POLR2C: variants seen among roughly 807,000 people sequenced by gnomAD.
The protein encoded by POLR2C is RNA polymerase II subunit C.
POLR2C carries 36 observed loss-of-function variants against 41.7 expected under a neutral mutation model. That is an observed-to-expected ratio of 0.86 (90% CI 0.66 to 1.14). The LOEUF (loss-of-function observed/expected upper bound fraction) is 1.14. Among genes scored for constraint, POLR2C ranks in the 50% most tolerant of loss-of-function variants. POLR2C has a pLI of 0.00. For missense variants in POLR2C, 260 were observed against 350.4 expected (o/e 0.74, Z 2.06); for synonymous variants, 133 against 137.8 (o/e 0.96, Z 0.25).
chr16:57,463,526 C>T (rs1267041813), intron 2 of POLR2C: 1 of 386,070 alleles, frequency 2.6e-6, no homozygotes, highest in Non-Finnish European at 5.2e-6. Flanking sequence ...GTTTTTCACC[C>T]CTAGCCCCAC....
rs2030606707 is a variant in POLR2C at position 57,462,858 on chromosome 16, C to T, written c.86+48C>T. 6 of 1,478,298 alleles carry T rather than the reference C, an allele frequency of 4.1e-6. No individual in the cohort carries two copies. The South Asian group carries it at 4.8e-5, about 12-fold the overall frequency. The allele number at this position is 1,478,298 out of a possible 1,614,324, so 91.6% of individuals were successfully genotyped here. A position where few individuals can be genotyped will look rare whatever the true frequency, so the allele number is the denominator to read the frequency against. On this transcript the variant is annotated intron_variant, in intron 1 of 8. Coordinates refer to ENST00000219252, the MANE Select transcript of POLR2C (RefSeq NM_032940.3). ...CTGGCGGCTCTGGGGCGCCGGGAGG[C>T]CCAAGCCGGGGCCCCGGGGCAGGGG...
rs2030616069 is a variant in POLR2C at position 57,463,047 on chromosome 16, G to A, written c.105G>A (p.Arg35=). 1 of 1,613,960 alleles carries A rather than the reference G, an allele frequency of 6.2e-7. No individual in the cohort carries two copies. The highest frequency in any genetic ancestry group is 8.5e-7 in the Non-Finnish European group (1 of 1,179,778). The part of the protein sequence containing the change: ...NTDLAVANSI[R]RVFIAEVPII... The stretch of plus-strand genomic sequence containing the variant: ...CTTTCAGGGTGGCCAATTCGATTCG[G>A]AGGGTCTTCATCGCTGAGGTTCCCA... Residue 35 remains arginine, a synonymous_variant, in exon 2 of 9, where the codon CGG becomes CGA. Coordinates refer to ENST00000219252, the MANE Select transcript of POLR2C (RefSeq NM_032940.3).
chr16:57,462,887 G>C (rs2030608410), intron 1 of POLR2C, 77 bp downstream of exon 1: 1 of 1,200,942 alleles, frequency 8.3e-7, no homozygotes, highest in African/African-American at 1.5e-5. Context: ...GCAGGGGGCG[G>C]GGGTGTAGTG....
chr16:57,465,627 G>A (rs1022214777), intron 2 of POLR2C: 52 of 257,070 alleles, frequency 2.0e-4, no homozygotes, highest in Non-Finnish European at 3.0e-4. Flanking sequence ...TGGATTTAGT[G>A]GTGGCACAGG....
At chr16:57,462,955 T>G in intron 1 of POLR2C, 74 bp from the exon 2 acceptor site, 1 of 1,324,856 alleles carries the variant, frequency 7.5e-7, no homozygotes, top group Non-Finnish European at 1.0e-6. Flanking sequence ...GGCTTTAGCT[T>G]TGGGAGCCTG....
chr16:57,470,946 A>G (rs766418800), intron 8 of POLR2C, 29 bp from the exon 9 acceptor site: 3 of 1,609,646 alleles, frequency 1.9e-6, no homozygotes, highest in African/African-American at 1.4e-5. Context: ...CCTGCCTCGC[A>G]GTGCACTCAC....
In POLR2C at chr16:57,462,745, T is replaced by C; in HGVS notation, c.21T>C (p.Pro7=). The C allele has an allele frequency of 1.9e-6, 3 of 1,606,004 alleles. No individual in the cohort carries two copies. The highest frequency in any genetic ancestry group is 2.6e-6 in the Non-Finnish European group (3 of 1,176,278). MPYANQ[P]TVRITELTDE... ...GCGAGATGCCGTACGCCAACCAGCCTACCGTGCGGATCACGGAGCTCACTG... is the reference window on the plus strand; with the variant it reads ...GCGAGATGCCGTACGCCAACCAGCCCACCGTGCGGATCACGGAGCTCACTG... The change falls in exon 1 of 9, where the codon CCT becomes CCC. Residue 7 remains proline, a synonymous_variant. Transcript: ENST00000219252.
chr16:57,469,875 G>A lies in POLR2C; in HGVS notation c.440-86G>A. The A allele has an allele frequency of 2.5e-6, 4 of 1,580,046 alleles. No homozygotes were observed. The highest frequency in any genetic ancestry group is 4.5e-5 in the East Asian group (2 of 44,692). On this transcript the variant is annotated intron_variant, in intron 6 of 8. Coordinates refer to ENST00000219252, the MANE Select transcript of POLR2C (RefSeq NM_032940.3). This position sits in a 1 kb window ranked among gnomAD's most constrained non-coding sequence, Gnocchi z 5.8. ...GGCTTTAGACCGTTTTTCCAGATGT[G>A]TGTGGTCTTGCAGTGGCACTCCAAG...
intron 2 of POLR2C, chr16:57,463,486 C>G: frequency 2.8e-6 from 1 of 357,764 alleles, no homozygotes; most frequent in Non-Finnish European, 5.5e-6. Context: ...ATCCTTTCAC[C>G]CAGGTAGTGA....
rs891788838 is a variant in POLR2C at position 57,470,011 on chromosome 16, T to C, written c.490T>C (p.Tyr164His). ...GGGCCAGGAGCTGAGACTTCGAGCC[T>C]ATGCCAAAAAGGGCTTTGGCAAGGA... is the stretch of plus-strand genomic sequence containing the variant. Reference protein sequence around the residue: ...RKGQELRLRAYAKKGFGKEHA... With the variant: ...RKGQELRLRAHAKKGFGKEHA... Residue 164 changes from tyrosine to histidine, a missense_variant, in exon 7 of 9, where the codon TAT (tyrosine) becomes CAT (histidine). Coordinates refer to ENST00000219252, the MANE Select transcript of POLR2C (RefSeq NM_032940.3). 6.2e-7 allele frequency: 1 copy of C among 1,614,166 alleles called. No homozygotes were observed. Among genetic ancestry groups the C allele is most frequent in the Admixed American group, 1.7e-5 (1 of 60,010 alleles).
At position 57,471,220 on chromosome 16, in the gene POLR2C, G is replaced by C; in HGVS notation, c.*101G>C. On this transcript the variant is annotated 3_prime_UTR_variant, in exon 9 of 9. Transcript: ENST00000219252. ...CTCGTTTCTGAGAATCTAGTCTACT[G>C]TTGGTTGAGCTTCTTGGCAGGACAT... The C allele has an allele frequency of 1.9e-6, 2 of 1,045,304 alleles. No homozygotes were observed. The highest frequency in any genetic ancestry group is 1.9e-5 in the Admixed American group (1 of 53,394). The allele number at this position is 1,045,304 out of a possible 1,614,324, so 64.8% of individuals were successfully genotyped here. A position where few individuals can be genotyped will look rare whatever the true frequency, so the allele number is the denominator to read the frequency against.
intron 8 of POLR2C, 157 bp downstream of exon 8, chr16:57,470,511 C>T: frequency 1.7e-6 from 1 of 605,424 alleles, no homozygotes; most frequent in Non-Finnish European, 2.9e-6. Flanking sequence ...ATGTGCACAT[C>T]CCAGGGGCAG....
Position 57,471,342 on chromosome 16 carries a change from T to C in POLR2C, c.*223T>C, listed in dbSNP as rs1205453480. 2 of 527,192 alleles carry C rather than the reference T, an allele frequency of 3.8e-6. No individual in the cohort carries two copies. The highest frequency in any genetic ancestry group is 3.2e-5 in the East Asian group (1 of 31,466). The allele number at this position is 527,192 out of a possible 1,614,324, so 32.7% of individuals were successfully genotyped here. On this transcript the variant is annotated 3_prime_UTR_variant, in exon 9 of 9. Coordinates refer to ENST00000219252, the MANE Select transcript of POLR2C (RefSeq NM_032940.3). ...ACTGGCCCTGACTGCTGTTAATAAT[T>C]GGCAGCAGTGCTCCCCAGATCCCAG...
intron 2 of POLR2C, chr16:57,463,366 T>A: frequency 1.8e-6 from 1 of 557,668 alleles, no homozygotes. Context: ...CTACTATTGT[T>A]ACAAAAGTTT....
chr16:57,463,006 C>T, intron 1 of POLR2C, 23 bp from the exon 2 acceptor site: 1 of 1,608,786 alleles, frequency 6.2e-7, no homozygotes, highest in Non-Finnish European at 8.5e-7. Flanking sequence ...CGCCTTCACG[C>T]CCCTTGGCTT....
chr16:57,470,441 C>A (rs936120340), intron 8 of POLR2C, 87 bp downstream of exon 8: 3 of 944,884 alleles, frequency 3.2e-6, no homozygotes, highest in Non-Finnish European at 4.9e-6. Context: ...TCCCTCTCCC[C>A]CACCTCGCAG....
chr16:57,463,091 C>G lies in POLR2C; in HGVS notation c.136+13C>G, dbSNP rs1193252610. Reference sequence around the variant, plus strand: ...GTTCCCATAATAGGTAAGCGACTCCCCTTCCTCGTTCCCGCGCCCACGGGT... The same window carrying G: ...GTTCCCATAATAGGTAAGCGACTCCGCTTCCTCGTTCCCGCGCCCACGGGT... On this transcript the variant is annotated intron_variant, in intron 2 of 8. Transcript: ENST00000219252. 3 of 1,604,922 alleles carry G rather than the reference C, an allele frequency of 1.9e-6. No individual in the cohort carries two copies. Among genetic ancestry groups the G allele is most frequent in the Non-Finnish European group, 1.7e-6 (2 of 1,172,602 alleles).
Position 57,471,756 on chromosome 16 carries a change from T to TGGGGGGGGGGGG in POLR2C, c.*642_*643insGGGGGGGGGGGG, listed in dbSNP as rs1567585193. ...AGTTTGGTGGGGGTGGGGGTGGGGG[T>TGGGGGGGGGGGG]GGGGGTGGAAGCAGCCGCAGGAGCA... On this transcript the variant is annotated 3_prime_UTR_variant, in exon 9 of 9. Transcript: ENST00000219252. 2 of 15,564 alleles carry TGGGGGGGGGGGG rather than the reference T, an allele frequency of 1.3e-4. No homozygotes were observed. Among genetic ancestry groups the TGGGGGGGGGGGG allele is most frequent in the Non-Finnish European group, 2.6e-4 (2 of 7,808 alleles). The allele number at this position is 15,564 out of a possible 1,614,324, so 1.0% of individuals were successfully genotyped here.
Position 57,471,195 on chromosome 16 carries a change from C to T in POLR2C, c.*76C>T. 6 of 1,287,346 alleles carry T rather than the reference C, an allele frequency of 4.7e-6. 1 individual carries two copies. In the South Asian group the frequency reaches 7.5e-5, roughly 16 times the overall value. The allele number at this position is 1,287,346 out of a possible 1,614,324, so 79.7% of individuals were successfully genotyped here. A position where few individuals can be genotyped will look rare whatever the true frequency, so the allele number is the denominator to read the frequency against. On this transcript the variant is annotated 3_prime_UTR_variant, in exon 9 of 9. Coordinates refer to ENST00000219252, the MANE Select transcript of POLR2C (RefSeq NM_032940.3). The stretch of plus-strand genomic sequence containing the variant: ...TATGGGGGTCTCTCTTCAGACTCTT[C>T]TCGTTTCTGAGAATCTAGTCTACTG...
Sources: gnomAD v4.1 joint callset for allele counts on GRCh38, gnomAD v4.1.1 for gene constraint, Gnocchi (gnomAD v3.1) non-coding constraint, MANE v1.5 for transcripts, NCBI Gene and HGNC (gene_info 2026-07-23, HGNC 2026-07-21) for gene names.